The following PTPRD variants were observed in gnomAD, a reference collection of about 807,000 sequenced individuals.
PTPRD encodes the protein receptor-type tyrosine-protein phosphatase delta.
PTPRD carries 34 observed loss-of-function variants against 214.5 expected under a neutral mutation model. That is an observed-to-expected ratio of 0.16 (90% confidence interval 0.12 to 0.21). PTPRD has a LOEUF of 0.21. PTPRD is among the 10% of genes least tolerant of loss of function. The pLI is 1.00. For missense variants in PTPRD, 2,545 were observed against 2,398.7 expected (o/e 1.06, Z -1.27); for synonymous variants, 1,128 against 845.7 (o/e 1.33, Z -5.79).
At chr9:9,151,725 A>G (rs186511984) in intron 10 of PTPRD, among the ~76,000 whole-genome samples, 181 of 152,316 alleles carry the variant, frequency 1.2e-3, no homozygotes, top group African/African-American at 4.1e-3. Flanking sequence ...TCAGTTCATC[A>G]GCAAGATGGC....
chr9:9,923,118 TG>T (rs757591811), intron 5 of PTPRD, among the ~76,000 whole-genome samples: 6 of 147,738 alleles, frequency 4.1e-5, no homozygotes, highest in Non-Finnish European at 7.5e-5. Flanking sequence ...ACTGTGTGTG[TG>T]GGGGGTGTGT....
At chr9:9,647,768 T>C (rs933194393) in intron 7 of PTPRD, among the ~76,000 whole-genome samples, 1 of 152,190 alleles carries the variant, frequency 6.6e-6, no homozygotes, top group Non-Finnish European at 1.5e-5. Context: ...GCACTTCCTA[T>C]TAGTCTTCAC....
chr9:10,439,702 T>G, intron 2 of PTPRD, among the ~76,000 whole-genome samples: 1 of 151,918 alleles, frequency 6.6e-6, no homozygotes, highest in Non-Finnish European at 1.5e-5. Context: ...ACACAGACTG[T>G]TTGGAATTTT....
intron 5 of PTPRD, among the ~76,000 whole-genome samples, chr9:9,900,166 A>C (rs2076052629): frequency 6.6e-6 from 1 of 152,182 alleles, no homozygotes; most frequent in African/African-American, 2.4e-5. Flanking sequence ...TCCCTACCAC[A>C]TGCCCAGGCT....
chr9:8,373,913 T>TACCTAC (rs1564369535), intron 39 of PTPRD, among the ~76,000 whole-genome samples: 2 of 78,500 alleles, frequency 2.5e-5, no homozygotes, highest in African/African-American at 8.1e-5. Context: ...TATCTATCTA[T>TACCTAC]CTACCTACCT....
intron 3 of PTPRD, among the ~76,000 whole-genome samples, chr9:10,109,442 C>G (rs2098669497): frequency 6.6e-6 from 1 of 152,146 alleles, no homozygotes. Context: ...ACATAATTGC[C>G]AAATCCTATT....
At chr9:9,738,295 T>C (rs1302528676) in intron 6 of PTPRD, among the ~76,000 whole-genome samples, 2 of 152,138 alleles carry the variant, frequency 1.3e-5, no homozygotes, top group East Asian at 3.9e-4. Context: ...ATCATAGCTA[T>C]ATGGTGGAAT....
chr9:9,949,467 TTTCC>T (rs1775097965), intron 4 of PTPRD, among the ~76,000 whole-genome samples: 1 of 151,956 alleles, frequency 6.6e-6, no homozygotes, highest in Admixed American at 6.6e-5. Flanking sequence ...TCACTCTTGT[TTTCC>T]TTCCTCCATC....
chr9:8,333,829 G>A (rs1283202599), intron 43 of PTPRD, among the ~76,000 whole-genome samples: 1 of 151,800 alleles, frequency 6.6e-6, no homozygotes, highest in African/African-American at 2.4e-5. Flanking sequence ...AGGGATGGAG[G>A]AAGATCTACC....
At chr9:8,762,668 T>C (rs944238415) in intron 11 of PTPRD, among the ~76,000 whole-genome samples, 2 of 152,130 alleles carry the variant, frequency 1.3e-5, no homozygotes, top group Admixed American at 6.5e-5. Flanking sequence ...GGAAAAGAAA[T>C]ATTTATGGGT....
chr9:9,709,515 C>A (rs1354416278), intron 7 of PTPRD, among the ~76,000 whole-genome samples: 1 of 151,874 alleles, frequency 6.6e-6, no homozygotes, highest in Non-Finnish European at 1.5e-5. Flanking sequence ...AAACAAGAAA[C>A]AAATAATGAG....
chr9:9,621,428 G>C (rs930488939), intron 7 of PTPRD, among the ~76,000 whole-genome samples: 1 of 152,130 alleles, frequency 6.6e-6, no homozygotes, highest in African/African-American at 2.4e-5. Flanking sequence ...CAATAAATAT[G>C]TTTGATGTTC....
At chr9:10,458,605 T>G (rs1285291216) in intron 2 of PTPRD, among the ~76,000 whole-genome samples, 1 of 152,312 alleles carries the variant, frequency 6.6e-6, no homozygotes, top group East Asian at 1.9e-4. Flanking sequence ...GGGGAGAAAC[T>G]GAAAGCTTTT....
intron 5 of PTPRD, among the ~76,000 whole-genome samples, chr9:9,919,210 G>A (rs1172130094): frequency 2.6e-5 from 4 of 151,878 alleles, no homozygotes; most frequent in Non-Finnish European, 2.9e-5. Flanking sequence ...TACTGATTTA[G>A]CACCTCTTAA....
chr9:10,359,684 G>A lies in PTPRD; in HGVS notation c.-599-18667C>T, dbSNP rs78427037. 8.0e-4 allele frequency among the ~76,000 whole-genome samples: 122 copies of A among 152,164 alleles called. 1 individual carries two copies. In the South Asian group the frequency reaches 9.7e-3, roughly 12 times the overall value. On this transcript the variant is annotated intron_variant, in intron 2 of 45. Coordinates refer to ENST00000381196, the MANE Select transcript of PTPRD (RefSeq NM_002839.4). ...TAAAAATAATTGTGTGTGCTGCAGC[G>A]AACTAAGTTCTGCAGTGTAATTAAA...
chr9:9,029,070 T>C (rs1285878121), intron 10 of PTPRD, among the ~76,000 whole-genome samples: 21 of 151,896 alleles, frequency 1.4e-4, no homozygotes, highest in Admixed American at 1.3e-3. Flanking sequence ...AAAAATAATA[T>C]GAAATATCTC....
At chr9:10,256,479 C>T (rs913441078) in intron 3 of PTPRD, among the ~76,000 whole-genome samples, 3 of 151,512 alleles carry the variant, frequency 2.0e-5, no homozygotes, top group African/African-American at 7.3e-5. Flanking sequence ...AAAATTTTAG[C>T]TCCATTATAA....
intron 9 of PTPRD, among the ~76,000 whole-genome samples, chr9:9,370,588 T>G (rs1030037986): frequency 3.3e-5 from 5 of 151,698 alleles, no homozygotes; most frequent in African/African-American, 1.2e-4. Context: ...CTTTTCCTAA[T>G]TGAATACCCT....
rs2096449780 is a variant in PTPRD at position 8,636,816 on chromosome 9, A to C, written c.93T>G (p.Val31=). 1.2e-6 allele frequency: 2 copies of C among 1,613,890 alleles called. No individual in the cohort carries two copies. Among genetic ancestry groups the C allele is most frequent in the Admixed American group, 1.7e-5 (1 of 59,996 alleles). Residue 31 remains valine (V), a synonymous_variant, in exon 13 of 46, where the codon GTT becomes GTG. Transcript: ENST00000381196. ...ETPPRFTRTP[V]DQTGVSGGVA... ...CTCCGCCAGAGACCCCTGTCTGATC[A>C]ACGGGTGTTCGTGTAAACCTTGGAG...
Sources: gnomAD v4.1 joint callset for allele counts (sites outside exome capture counted in the v4.1 genomes callset) on GRCh38, gnomAD v4.1.1 for gene constraint, MANE v1.5 for transcripts, NCBI Gene and HGNC (gene_info 2026-07-23, HGNC 2026-07-21) for gene names.